HEXD: variants seen among roughly 807,000 people sequenced by gnomAD.
HEXD encodes N-acetyl-beta-galactosaminidase.
HEXD carries 47 observed loss-of-function variants against 54.2 expected under a neutral mutation model. The observed-to-expected ratio is 0.87, with a 90% CI of 0.69 to 1.11. The LOEUF (loss-of-function observed/expected upper bound fraction) is 1.11. Ranked by LOEUF, HEXD falls within the 50% of genes least tolerant of loss-of-function variation. The pLI is 0.00. For missense variants in HEXD, 576 were observed against 649.2 expected, an observed-to-expected ratio of 0.89 and a Z score of 1.23; for synonymous variants, 293 against 287.6, an observed-to-expected ratio of 1.02 and a Z score of -0.19.
chr17:82,427,600 A>ATACTCTTCTAGTTTTCTTCC (rs1365086262), intron 3 of HEXD, among the ~76,000 whole-genome samples: 1 of 152,160 alleles, frequency 6.6e-6, no homozygotes, highest in Admixed American at 6.5e-5. Context: ...CATTTTCTTC[A>ATACTCTTCTAGTTTTCTTCC]TACTCTTCTA....
At position 82,435,868 on chromosome 17, in the gene HEXD, C is replaced by T. The variant is rs776173293; in HGVS notation, c.627C>T (p.Leu209=). Residue 209 remains leucine, a synonymous_variant, in exon 6 of 13, where the codon CTC becomes CTT. Coordinates refer to ENST00000327949, the MANE Select transcript of HEXD (RefSeq NM_001330542.2). ...TCCGAGACCTGCCTGAGGACCAGCTCGCAGGTCGGCCAACAGGGCTGGGGG... is the reference window on the plus strand; with the variant it reads ...TCCGAGACCTGCCTGAGGACCAGCTTGCAGGTCGGCCAACAGGGCTGGGGG... The part of the protein sequence containing the change: ...DMLRDLPEDQ[L]AASGVPQLVE... The T allele has an allele frequency of 3.1e-6, 5 of 1,603,600 alleles. No homozygotes were observed. The highest frequency in any genetic ancestry group is 2.2e-5 in the East Asian group (1 of 44,686).
chr17:82,428,429 T>G, intron 3 of HEXD, 129 bp from the exon 4 acceptor site: 1 of 677,180 alleles, frequency 1.5e-6, no homozygotes, highest in Non-Finnish European at 2.6e-6. Context: ...CTGTCAAGCT[T>G]TGTGGAGTTT....
intron 3 of HEXD, among the ~76,000 whole-genome samples, chr17:82,425,010 G>C (rs1055664333): frequency 1.2e-4 from 18 of 151,474 alleles, no homozygotes; most frequent in Non-Finnish European, 2.2e-4. Flanking sequence ...GCCGGAGAAG[G>C]CTGGAGGAGG....
At chr17:82,428,463 GC>G (rs2053483846) in intron 3 of HEXD, 94 bp from the exon 4 acceptor site, 3 of 983,944 alleles carry the variant, frequency 3.0e-6, no homozygotes, top group Admixed American at 1.9e-5. Flanking sequence ...TTCCCGGAGA[GC>G]CCCCCAGGGC....
intron 5 of HEXD, among the ~76,000 whole-genome samples, chr17:82,435,309 C>T (rs551357221): frequency 7.9e-5 from 12 of 152,178 alleles, no homozygotes; most frequent in Non-Finnish European, 1.3e-4. Context: ...CCACGGGTAC[C>T]GAGTCACACA....
intron 6 of HEXD, among the ~76,000 whole-genome samples, chr17:82,436,201 C>A (rs2053757922): frequency 6.6e-6 from 1 of 152,260 alleles, no homozygotes; most frequent in Non-Finnish European, 1.5e-5. Flanking sequence ...CTGGGCCCTG[C>A]TCGCTCTGCC....
chr17:82,422,795 G>T (rs2053273807), intron 2 of HEXD, among the ~76,000 whole-genome samples: 1 of 152,110 alleles, frequency 6.6e-6, no homozygotes, highest in Admixed American at 6.5e-5. Flanking sequence ...GGTGGCTCAT[G>T]CCTATAATCC....
intron 2 of HEXD, 134 bp from the exon 3 acceptor site, chr17:82,424,260 G>A (rs1490508601): frequency 3.0e-6 from 2 of 676,090 alleles, no homozygotes; most frequent in African/African-American, 3.6e-5. Context: ...CGGATTTAAG[G>A]TTCCCAGGAG....
At chr17:82,431,737 A>G (rs2053583234) in intron 4 of HEXD, among the ~76,000 whole-genome samples, 3 of 152,144 alleles carry the variant, frequency 2.0e-5, no homozygotes, top group East Asian at 1.9e-4. Flanking sequence ...CTTACAATAT[A>G]TTCATAGTAG....
Position 82,441,064 on chromosome 17 carries a change from G to A in HEXD, c.1050G>A (p.Thr350=), listed in dbSNP as rs201314698. Residue 350 remains threonine (T), a synonymous_variant, in exon 10 of 13, where the codon ACG becomes ACA. Coordinates refer to ENST00000327949, the MANE Select transcript of HEXD (RefSeq NM_001330542.2). ...TCGGGATTTCCAGCCTGGAAAAAAC[G>A]GACCCTGTTAGGCAAGCACCCTGCA... ...NLLGISSLEK[T]DPVREGAGSF... 3.7e-5 allele frequency: 59 copies of A among 1,613,456 alleles called. No homozygotes were observed. The highest frequency in any genetic ancestry group is 4.0e-5 in the Non-Finnish European group (47 of 1,179,972).
chr17:82,424,234 C>G (rs546074179), intron 2 of HEXD, among the ~76,000 whole-genome samples, 160 bp from the exon 3 acceptor site: 1 of 152,182 alleles, frequency 6.6e-6, no homozygotes, highest in Non-Finnish European at 1.5e-5. Flanking sequence ...TTTGGCATAA[C>G]GTAAAGTACA....
chr17:82,418,805 C>A (rs565988663), intron 1 of HEXD, 65 bp downstream of exon 1: 6 of 152,576 alleles, frequency 3.9e-5, no homozygotes, highest in African/African-American at 1.4e-4. Flanking sequence ...GGAAGCGTTT[C>A]CCCCGCGCCA....
rs368761150 is a variant in HEXD, at chr17:82,424,378, C to T, written c.85-16C>T. On this transcript the variant is annotated splice_polypyrimidine_tract_variant and intron_variant, in intron 2 of 12. Coordinates refer to ENST00000327949, the MANE Select transcript of HEXD (RefSeq NM_001330542.2). ...AGCAGCCACTTCTTCCTAACCCCTC[C>T]CTGTTTACCCCCCAGATTTTTCCTC... 21 of 1,584,180 alleles carry T rather than the reference C, an allele frequency of 1.3e-5. No homozygotes were observed. In the African/African-American group the frequency reaches 2.3e-4, roughly 17 times the overall value.
chr17:82,431,301 G>A (rs2143510241), intron 4 of HEXD, among the ~76,000 whole-genome samples: 1 of 152,162 alleles, frequency 6.6e-6, no homozygotes. Context: ...ATTGCACCTG[G>A]CCCCATTTTG....
intron 2 of HEXD, among the ~76,000 whole-genome samples, chr17:82,423,068 A>G (rs1412085076): frequency 6.6e-6 from 1 of 151,730 alleles, no homozygotes; most frequent in Non-Finnish European, 1.5e-5. Flanking sequence ...AAAAAAAAAA[A>G]GAAAGGAAAG....
In HEXD at chr17:82,439,627, C is replaced by T. The variant is rs2053870560; in HGVS notation, c.900-4C>T. 1 of 1,540,838 alleles carries T rather than the reference C, an allele frequency of 6.5e-7. No individual in the cohort carries two copies. Among genetic ancestry groups the T allele is most frequent in the Admixed American group, 1.8e-5 (1 of 54,690 alleles). ...GGAGCTAAGCGCCCCTCTCATGGAC[C>T]CAGGTACGACCACTACTCTGTGCTG... On this transcript the variant is annotated splice_region_variant and splice_polypyrimidine_tract_variant and intron_variant, in intron 8 of 12. Transcript: ENST00000327949.
At chr17:82,435,464 G>C (rs1365229078) in intron 5 of HEXD, among the ~76,000 whole-genome samples, 1 of 152,206 alleles carries the variant, frequency 6.6e-6, no homozygotes, top group East Asian at 1.9e-4. Flanking sequence ...TGTTGGCTGT[G>C]AGAAGAGCTG....
At chr17:82,419,467 T>C (rs1413638528) in intron 1 of HEXD, among the ~76,000 whole-genome samples, 1 of 152,230 alleles carries the variant, frequency 6.6e-6, no homozygotes, top group Non-Finnish European at 1.5e-5. Context: ...ACAAGGTCTT[T>C]AAAACAAGGT....
intron 8 of HEXD, among the ~76,000 whole-genome samples, chr17:82,439,004 G>A (rs187017831): frequency 1.2e-3 from 180 of 152,320 alleles, no homozygotes; most frequent in African/African-American, 4.2e-3. Flanking sequence ...CTGGGGCAGC[G>A]TCTGTCACCC....
Sources: gnomAD v4.1 joint callset for allele counts (sites outside exome capture counted in the v4.1 genomes callset) on GRCh38, gnomAD v4.1.1 for gene constraint, MANE v1.5 for transcripts, NCBI Gene and HGNC (gene_info 2026-07-23, HGNC 2026-07-21) for gene names.